The following SGIP1 variants were observed in gnomAD, a reference collection of about 807,000 sequenced individuals.
The protein encoded by SGIP1 is SH3-containing GRB2-like protein 3-interacting protein 1.
In SGIP1, 38 loss-of-function variants were observed where a neutral mutation model predicts 107.5. That is an observed-to-expected ratio of 0.35 (90% CI 0.27 to 0.46). The LOEUF (loss-of-function observed/expected upper bound fraction) is 0.46. SGIP1 is among the 20% of genes least tolerant of loss of function. The probability of loss-of-function intolerance (pLI) is 1.00; values close to 1 mark genes in which losing one functional copy is unlikely to be tolerated. For missense variants in SGIP1, 929 were observed against 1,019.5 expected (o/e 0.91, Z 1.21); for synonymous variants, 365 against 366.1 (o/e 1.00, Z 0.03).
chr1:66,689,411 C>G, intron 16 of SGIP1, 136 bp downstream of exon 16: 1 of 1,114,462 alleles, frequency 9.0e-7, no homozygotes, highest in African/African-American at 1.6e-5. Flanking sequence ...ACAGTCACTG[C>G]GGTATGAGTG....
At position 66,680,932 on chromosome 1, in the gene SGIP1, A is replaced by T. The variant is rs1470124622; in HGVS notation, c.815-937A>T. ...TTAAAAAGTGCAGTTCTTCATACAGAGCTGTAGAAGATCATTCTTAATTTT... is the reference window on the plus strand; with the variant it reads ...TTAAAAAGTGCAGTTCTTCATACAGTGCTGTAGAAGATCATTCTTAATTTT... On this transcript the variant is annotated intron_variant, in intron 14 of 24. Coordinates refer to ENST00000371037, the MANE Select transcript of SGIP1 (RefSeq NM_032291.4). Among the ~76,000 whole-genome samples the T allele has an allele frequency of 2.0e-5, 3 of 152,220 alleles. No homozygotes were observed. In the East Asian group the frequency reaches 5.8e-4, roughly 29 times the overall value.
chr1:66,627,058 T>C (rs2073007077), intron 2 of SGIP1, among the ~76,000 whole-genome samples: 1 of 152,210 alleles, frequency 6.6e-6, no homozygotes, highest in African/African-American at 2.4e-5. Context: ...GTACAACTAA[T>C]GAGGTAACAT....
At chr1:66,710,497 G>A (rs940891209) in intron 18 of SGIP1, among the ~76,000 whole-genome samples, 4 of 151,988 alleles carry the variant, frequency 2.6e-5, no homozygotes, top group African/African-American at 9.7e-5. Context: ...TGCAGTTACT[G>A]GATTCTGAAG....
chr1:66,560,808 C>A (rs970901801), intron 1 of SGIP1, among the ~76,000 whole-genome samples: 6 of 152,174 alleles, frequency 3.9e-5, no homozygotes, highest in African/African-American at 1.4e-4. Flanking sequence ...AACTGTGTGA[C>A]CTTAGGCAAG....
chr1:66,534,099 C>A, upstream of SGIP1: 3 of 575,116 alleles, frequency 5.2e-6, no homozygotes, highest in Admixed American at 3.1e-5. Flanking sequence ...TTGGCCGAGG[C>A]AGCGCAGGCG....
chr1:66,595,075 G>A (rs112305068), intron 1 of SGIP1, among the ~76,000 whole-genome samples: 3,054 of 152,238 alleles, frequency 0.02, 105 homozygotes, highest in African/African-American at 0.071. Flanking sequence ...CCAGGGGCAC[G>A]CTGTTTACTG....
In SGIP1 at chr1:66,575,097, AG is replaced by A. The variant is rs1358338653; in HGVS notation, c.10+40731del. 2.6e-5 allele frequency among the ~76,000 whole-genome samples: 4 copies of A among 152,178 alleles called. No individual in the cohort carries two copies. In the East Asian group the frequency reaches 7.7e-4, roughly 29 times the overall value. On this transcript the variant is annotated intron_variant, in intron 1 of 24. Transcript: ENST00000371037. The stretch of plus-strand genomic sequence containing the variant: ...AGTTGCCACTCACAGAGCACGTGGA[AG>A]GCACATCATCTCCATAGTCCTGATC...
At chr1:66,731,746 A>G (rs2094020030) in intron 20 of SGIP1, among the ~76,000 whole-genome samples, 1 of 152,174 alleles carries the variant, frequency 6.6e-6, no homozygotes, top group African/African-American at 2.4e-5. Context: ...TTGCAGTACC[A>G]GCCTTTAGTG....
chr1:66,690,762 T>C (rs1182355184), intron 17 of SGIP1, among the ~76,000 whole-genome samples: 1 of 152,242 alleles, frequency 6.6e-6, no homozygotes, highest in African/African-American at 2.4e-5. Flanking sequence ...GTTGTCCTTA[T>C]GTTGACAGAT....
rs992141396 is a variant in SGIP1, at chr1:66,620,216, T to C, written c.11-5631T>C. Among the ~76,000 whole-genome samples, 3 of 152,328 alleles carry C rather than the reference T, an allele frequency of 2.0e-5. No homozygotes were observed. In the South Asian group the frequency reaches 6.2e-4, roughly 32 times the overall value. On this transcript the variant is annotated intron_variant, in intron 1 of 24. Coordinates refer to ENST00000371037, the MANE Select transcript of SGIP1 (RefSeq NM_032291.4). ...AGCCAGGAAATTCTAAGGTACTTTG[T>C]GGGAGTTTTTTTAGTTAGTTTAGGG... is the stretch of plus-strand genomic sequence containing the variant.
At chr1:66,737,018 A>G (rs2094288069) in intron 21 of SGIP1, among the ~76,000 whole-genome samples, 1 of 152,206 alleles carries the variant, frequency 6.6e-6, no homozygotes, top group Admixed American at 6.5e-5. Flanking sequence ...AAATTAAAAT[A>G]TAATAGAAAA....
At chr1:66,603,192 C>T (rs1558038264) in intron 1 of SGIP1, among the ~76,000 whole-genome samples, 1 of 152,074 alleles carries the variant, frequency 6.6e-6, no homozygotes, top group Non-Finnish European at 1.5e-5. Context: ...TTTTTGAGGA[C>T]AAGGTATTAA....
At chr1:66,549,258 C>T (rs2057031003) in intron 1 of SGIP1, among the ~76,000 whole-genome samples, 1 of 151,286 alleles carries the variant, frequency 6.6e-6, no homozygotes, top group Non-Finnish European at 1.5e-5. Context: ...CCTTTTTAAG[C>T]TATCACAAAT....
At chr1:66,716,745 G>T (rs2093267840) in intron 18 of SGIP1, among the ~76,000 whole-genome samples, 1 of 152,020 alleles carries the variant, frequency 6.6e-6, no homozygotes, top group African/African-American at 2.4e-5. Flanking sequence ...GCTCTGAAAA[G>T]TATTCTTAGA....
chr1:66,671,696 C>G (rs1429615203), intron 10 of SGIP1, among the ~76,000 whole-genome samples: 1 of 152,180 alleles, frequency 6.6e-6, no homozygotes, highest in Non-Finnish European at 1.5e-5. Flanking sequence ...TACAAATCTT[C>G]TATTTGATGG....
intron 1 of SGIP1, among the ~76,000 whole-genome samples, chr1:66,536,787 A>G (rs1053722596): frequency 3.3e-5 from 5 of 152,160 alleles, no homozygotes; most frequent in Admixed American, 6.5e-5. Flanking sequence ...ACACAGAGTC[A>G]TCCACCCAAA....
At chr1:66,535,178 C>G (rs992429978) in intron 1 of SGIP1, among the ~76,000 whole-genome samples, 26 of 152,186 alleles carry the variant, frequency 1.7e-4, no homozygotes, top group Non-Finnish European at 3.7e-4. Context: ...CAGTCTGACA[C>G]TGTGACAGCC....
intron 7 of SGIP1, among the ~76,000 whole-genome samples, chr1:66,650,711 C>A (rs948588821): frequency 1.5e-4 from 23 of 152,172 alleles, no homozygotes; most frequent in South Asian, 4.1e-4. Flanking sequence ...CCTGTGGCTC[C>A]CATGGCTTTT....
chr1:66,703,085 AG>A (rs1286755803), intron 18 of SGIP1, among the ~76,000 whole-genome samples: 5 of 152,234 alleles, frequency 3.3e-5, no homozygotes, highest in Admixed American at 2.6e-4. Context: ...AGAATAGAAA[AG>A]TTAAAGAATA....
Sources: allele counts gnomAD v4.1 joint callset (sites outside exome capture counted in the v4.1 genomes callset), GRCh38; gene constraint gnomAD v4.1.1; transcripts MANE v1.5; gene names NCBI Gene and HGNC (gene_info 2026-07-23, HGNC 2026-07-21).